The following VPS13C variants were observed in gnomAD, a reference collection of about 807,000 sequenced individuals.
VPS13C encodes vacuolar protein sorting 13 homolog C, also known as intermembrane lipid transfer protein VPS13C.
VPS13C carries 358 observed loss-of-function variants against 456.8 expected under a neutral mutation model. That is an observed-to-expected ratio of 0.78 (90% CI 0.72 to 0.86). The LOEUF (loss-of-function observed/expected upper bound fraction) is 0.86. Among genes scored for constraint, VPS13C ranks in the 40% least tolerant of loss-of-function variants. VPS13C has a pLI of 0.00. For missense variants in VPS13C, 4,818 were observed against 4,385.4 expected (o/e 1.10, Z -2.79); for synonymous variants, 1,578 against 1,486.7 (o/e 1.06, Z -1.41).
At chr15:61,945,362 C>T (rs924469407) in intron 45 of VPS13C, among the ~76,000 whole-genome samples, 27 of 152,246 alleles carry the variant, frequency 1.8e-4, no homozygotes, top group African/African-American at 5.1e-4. Flanking sequence ...CAATATGAGT[C>T]CTCCAAATGC....
Position 61,877,015 on chromosome 15 carries a change from T to G in VPS13C, c.10182A>C (p.Arg3394Ser). 1 of 1,609,934 alleles carries G rather than the reference T, an allele frequency of 6.2e-7. No homozygotes were observed. Among genetic ancestry groups the G allele is most frequent in the Middle Eastern group, 1.7e-4 (1 of 6,028 alleles). ...YYEIRYQFYK[R>S]DQLIWSVVRH... Reference sequence around the variant, plus strand: ...TAACAACACTCCATATAAGCTGATCTCTCTTGTAGAACTGATATCGAATTT... The same window carrying G: ...TAACAACACTCCATATAAGCTGATCGCTCTTGTAGAACTGATATCGAATTT... The change falls in exon 75 of 85, where the codon AGA (arginine) becomes AGC (serine). Residue 3394 changes from arginine to serine, a missense_variant. By Grantham distance (110) the Arg-to-Ser change is moderately radical. Coordinates refer to ENST00000644861, the MANE Select transcript of VPS13C (RefSeq NM_020821.3).
In VPS13C at chr15:62,033,425, C is replaced by T; in HGVS notation, c.385+16G>A. On this transcript the variant is annotated intron_variant, in intron 5 of 84. Transcript: ENST00000644861. ...AATATAGGTATGTCTAAGTTTATCT[C>T]AAAAAAACTTTTTACCTTTTTCTGC... 2 of 1,568,312 alleles carry T rather than the reference C, an allele frequency of 1.3e-6. No homozygotes were observed. Among genetic ancestry groups the T allele is most frequent in the South Asian group, 2.3e-5 (2 of 85,582 alleles).
At chr15:61,962,293 A>G (rs2045234296) in intron 34 of VPS13C, 78 bp downstream of exon 34, 1 of 1,350,696 alleles carries the variant, frequency 7.4e-7, no homozygotes, top group South Asian at 1.7e-5. Context: ...TCCAAGGTTT[A>G]TAACATTTGC....
intron 1 of VPS13C, among the ~76,000 whole-genome samples, chr15:62,046,132 A>C (rs1470867177): frequency 1.3e-5 from 2 of 152,188 alleles, no homozygotes; most frequent in Non-Finnish European, 2.9e-5. Context: ...GAGGAAAGAA[A>C]CTTCACAAAT....
intron 35 of VPS13C, among the ~76,000 whole-genome samples, chr15:61,960,916 G>A (rs62007768): frequency 0.059 from 8,573 of 146,536 alleles, 304 homozygotes; most frequent in Non-Finnish European, 0.082. Flanking sequence ...TCTCTATAAC[G>A]AAAAATACAA....
At chr15:61,932,546 C>T (rs940723704) in intron 49 of VPS13C, among the ~76,000 whole-genome samples, 4 of 151,480 alleles carry the variant, frequency 2.6e-5, no homozygotes, top group Non-Finnish European at 4.4e-5. Flanking sequence ...AAACCCCAGC[C>T]AATCAACAAA....
Position 61,890,316 on chromosome 15 carries a change from A to G in VPS13C, c.9190T>C (p.Phe3064Leu). The G allele has an allele frequency of 1.9e-6, 3 of 1,614,114 alleles. No homozygotes were observed. The highest frequency in any genetic ancestry group is 2.5e-6 in the Non-Finnish European group (3 of 1,180,014). Residue 3064 changes from phenylalanine to leucine, a missense_variant, in exon 67 of 85, where the codon TTC becomes CTC. Around this residue, in one of 3 missense-constraint regions of VPS13C, gnomAD observed 4,552 missense variants for 4,130.6 expected, o/e 1.10. Transcript: ENST00000644861. The part of the protein sequence containing the change: ...FLDGRQRVLL[F>L]TDDVALVSKA... ...GAAACCAAGGCAACATCATCGGTGA[A>G]AAGCAAAACTCTCTGGCGCCCATCC...
At chr15:61,919,577 G>T in intron 57 of VPS13C, 128 bp from the exon 58 acceptor site, 2 of 999,094 alleles carry the variant, frequency 2.0e-6, no homozygotes, top group Non-Finnish European at 1.3e-6. Flanking sequence ...ACCACAAATT[G>T]CTTTTCTAAG....
At chr15:61,963,159 T>C (rs1389005518) in intron 32 of VPS13C, among the ~76,000 whole-genome samples, 1 of 152,064 alleles carries the variant, frequency 6.6e-6, no homozygotes, top group African/African-American at 2.4e-5. Flanking sequence ...ATGGAAACTA[T>C]AAAAGTTTCA....
rs146692144 is a variant in VPS13C at position 61,919,302 on chromosome 15, C to T, written c.7625G>A (p.Arg2542His). 17 of 1,596,914 alleles carry T rather than the reference C, an allele frequency of 1.1e-5. No homozygotes were observed. Among genetic ancestry groups the T allele is most frequent in the African/African-American group, 2.7e-5 (2 of 73,696 alleles). Residue 2542 changes from arginine (R) to histidine (H), a missense_variant, in exon 58 of 85, where the codon CGC becomes CAC. Arg to His is a conservative substitution (Grantham distance 29). Around this residue, in one of 3 missense-constraint regions of VPS13C, gnomAD observed 4,552 missense variants for 4,130.6 expected, o/e 1.10. Transcript: ENST00000644861. ...TTGAAGTATTACCTGTAGAGGAGAG[C>T]GAAGGGTAATTACTTTATTCCCTTC... ...ATEGNKVITL[R>H]SPLQIKNHFS...
In VPS13C at chr15:62,006,904, T is replaced by C. The variant is rs189794491; in HGVS notation, c.1290+404A>G. ...GTTTTTTGGCTGCATAAATGTCTTC[T>C]TAGTAAAAGCTGTTTTTTATAAATA... On this transcript the variant is annotated intron_variant, in intron 15 of 84. Transcript: ENST00000644861. Among the ~76,000 whole-genome samples the C allele has an allele frequency of 9.6e-4, 146 of 152,314 alleles. 1 individual carries two copies. Among genetic ancestry groups the C allele is most frequent in the African/African-American group, 3.4e-3 (143 of 41,578 alleles).
chr15:61,936,462 C>T (rs1481162676), intron 48 of VPS13C, 135 bp downstream of exon 48: 3 of 849,686 alleles, frequency 3.5e-6, no homozygotes, highest in East Asian at 3.3e-5. Flanking sequence ...CAGCCCCAGC[C>T]GAATTTCCAC....
intron 81 of VPS13C, chr15:61,865,783 T>A (rs1894534321): frequency 1.4e-6 from 1 of 728,258 alleles, no homozygotes; most frequent in Admixed American, 9.4e-5. Flanking sequence ...TATATGTATG[T>A]GTATATATAT....
chr15:61,941,090 C>A (rs76114874), intron 46 of VPS13C, among the ~76,000 whole-genome samples: 1 of 152,084 alleles, frequency 6.6e-6, no homozygotes, highest in East Asian at 1.9e-4. Context: ...TTTGATACAG[C>A]GAATAGTTTA....
At chr15:61,994,059 C>T (rs376498069) in intron 16 of VPS13C, among the ~76,000 whole-genome samples, 2 of 152,150 alleles carry the variant, frequency 1.3e-5, no homozygotes, top group Non-Finnish European at 1.5e-5. Flanking sequence ...TCAATTACCC[C>T]CTTGGTGCCT....
chr15:61,996,665 T>TAA (rs71431420), intron 16 of VPS13C, among the ~76,000 whole-genome samples: 1 of 150,292 alleles, frequency 6.7e-6, no homozygotes, highest in Non-Finnish European at 1.5e-5. Context: ...ATGCAAACTA[T>TAA]AAAAAAAAAC....
Position 61,853,923 on chromosome 15 carries a change from T to C in VPS13C, c.*534A>G, listed in dbSNP as rs1033596666. ...CAGGCGTGGTGGCACACACCTGTAATCCCAGCTACTCAGGAGGCTGAGGCA... is the reference window on the plus strand; with the variant it reads ...CAGGCGTGGTGGCACACACCTGTAACCCCAGCTACTCAGGAGGCTGAGGCA... On this transcript the variant is annotated 3_prime_UTR_variant, in exon 85 of 85. Transcript: ENST00000644861. 4 of 151,836 alleles carry C rather than the reference T, an allele frequency of 2.6e-5. No homozygotes were observed. Among genetic ancestry groups the C allele is most frequent in the African/African-American group, 9.8e-5 (4 of 40,790 alleles). The allele number at this position is 151,836 out of a possible 1,614,324, so 9.4% of individuals were successfully genotyped here. A position where few individuals can be genotyped will look rare whatever the true frequency, so the allele number is the denominator to read the frequency against.
In VPS13C at chr15:61,977,166, G is replaced by A. The variant is rs2045728304; in HGVS notation, c.2324C>T (p.Pro775Leu). Residue 775 changes from proline (P) to leucine (L), a missense_variant, in exon 24 of 85, where the codon CCA (proline) becomes CTA (leucine). This residue lies in a region of VPS13C where 4,552 missense variants were observed against 4,130.6 expected (regional missense o/e 1.10). Transcript: ENST00000644861. ...GGGTTGCAATATATGCATAGTTGATGGATGCTGAAATCGACACTTTTTCCA... is the reference window on the plus strand; with the variant it reads ...GGGTTGCAATATATGCATAGTTGATAGATGCTGAAATCGACACTTTTTCCA... ...ETWKKCRFQH[P>L]STMHILQPMD... 1.3e-6 allele frequency: 2 copies of A among 1,574,048 alleles called. No individual in the cohort carries two copies. Among genetic ancestry groups the A allele is most frequent in the East Asian group, 2.4e-5 (1 of 42,446 alleles).
chr15:61,914,181 G>A (rs947274691), intron 61 of VPS13C, among the ~76,000 whole-genome samples: 3 of 152,124 alleles, frequency 2.0e-5, no homozygotes, highest in African/African-American at 7.2e-5. Context: ...GAGTGGAGTT[G>A]CCAAAGCATC....
Sources: gnomAD v4.1 joint callset for allele counts (sites outside exome capture counted in the v4.1 genomes callset) on GRCh38, gnomAD v4.1.1 for gene constraint, gnomAD v4.1.1 regional missense constraint, MANE v1.5 for transcripts, NCBI Gene and HGNC (gene_info 2026-07-23, HGNC 2026-07-21) for gene names.